Variants in FYN observed in about 807,000 individuals in gnomAD.
FYN encodes FYN proto-oncogene, Src family tyrosine kinase.
FYN carries 10 observed loss-of-function variants against 70.2 expected under a neutral mutation model. That is an observed-to-expected ratio of 0.14 (90% CI 0.09 to 0.24). FYN has a LOEUF of 0.24. FYN is among the 10% of genes least tolerant of loss of function. FYN has a pLI of 1.00. For synonymous variants in FYN, 236 were observed against 248.6 expected (o/e 0.95, Z 0.48); for missense variants, 319 against 673.1 (o/e 0.47, Z 5.82).
intron 12 of FYN, among the ~76,000 whole-genome samples, chr6:111,674,980 G>A (rs564613757): frequency 6.6e-6 from 1 of 152,010 alleles, no homozygotes; most frequent in Non-Finnish European, 1.5e-5. Context: ...ATGAGTCCTC[G>A]GGTATATAAG....
intron 2 of FYN, among the ~76,000 whole-genome samples, chr6:111,821,448 T>G (rs1207378684): frequency 6.6e-6 from 1 of 152,194 alleles, no homozygotes; most frequent in African/African-American, 2.4e-5. Flanking sequence ...GAGCTGAAAC[T>G]GGATCCTTTC....
intron 3 of FYN, among the ~76,000 whole-genome samples, chr6:111,741,595 T>A (rs551944325): frequency 3.7e-5 from 5 of 135,012 alleles, no homozygotes; most frequent in Non-Finnish European, 8.0e-5. Context: ...AAGAACATGG[T>A]CATTCTAAGA....
intron 3 of FYN, among the ~76,000 whole-genome samples, chr6:111,747,159 T>C (rs1314106979): frequency 6.6e-6 from 1 of 151,996 alleles, no homozygotes; most frequent in African/African-American, 2.4e-5. Flanking sequence ...ATTAAGAGAG[T>C]CCAGCAGTGA....
At chr6:111,845,486 T>C (rs568876810) in intron 2 of FYN, among the ~76,000 whole-genome samples, 16 of 152,338 alleles carry the variant, frequency 1.1e-4, no homozygotes, top group African/African-American at 3.8e-4. Flanking sequence ...CTGCAGAAGC[T>C]AGGTGCCTGC....
At chr6:111,724,718 C>T (rs1234190934) in intron 3 of FYN, among the ~76,000 whole-genome samples, 1 of 152,190 alleles carries the variant, frequency 6.6e-6, no homozygotes, top group Non-Finnish European at 1.5e-5. Context: ...TCTTTTGTCT[C>T]AGAAGCCAAC....
At position 111,743,110 on chromosome 6, in the gene FYN, G is replaced by A. The variant is rs1479240336; in HGVS notation, c.-11-23048C>T. On this transcript the variant is annotated intron_variant, in intron 3 of 13. Coordinates refer to ENST00000354650, the MANE Select transcript of FYN (RefSeq NM_002037.5). ...GCCTCCCGAGTAGCTGGAACTGCAG[G>A]TGCGCGCCACCATGCCTGGCTAATT... Among the ~76,000 whole-genome samples the A allele has an allele frequency of 2.0e-5, 3 of 152,024 alleles. No individual in the cohort carries two copies. The South Asian group carries it at 6.2e-4, about 32-fold the overall frequency.
chr6:111,742,123 A>G (rs868650200), intron 3 of FYN, among the ~76,000 whole-genome samples: 5 of 152,222 alleles, frequency 3.3e-5, no homozygotes, highest in African/African-American at 4.8e-5. Flanking sequence ...CCTCTCCTCC[A>G]GGCATTGTGC....
At chr6:111,800,776 TG>T (rs1018889066) in intron 2 of FYN, among the ~76,000 whole-genome samples, 2 of 152,198 alleles carry the variant, frequency 1.3e-5, no homozygotes, top group Non-Finnish European at 2.9e-5. Flanking sequence ...AACCCTCTCC[TG>T]CCCACATCTC....
At chr6:111,779,713 C>G (rs1427258710) in intron 3 of FYN, among the ~76,000 whole-genome samples, 1 of 152,134 alleles carries the variant, frequency 6.6e-6, no homozygotes, top group African/African-American at 2.4e-5. Context: ...CTAGCAACAT[C>G]AAATGGATGT....
intron 6 of FYN, 66 bp from the exon 7 acceptor site, chr6:111,704,168 C>CT (rs869119560): frequency 5.3e-4 from 703 of 1,334,004 alleles, no homozygotes; most frequent in Middle Eastern, 1.9e-3. Flanking sequence ...ACAGCATAGG[C>CT]TTTTTTTTTG....
rs1370545141 is a variant in FYN at position 111,704,079 on chromosome 6, C to T, written c.467G>A (p.Arg156Gln). Reference sequence around the variant, plus strand: ...CAATAGCTGTCGCTCAGCATCTTTTCGGCCAAGTTTTCCAAAGTACCACCT... The same window carrying T: ...CAATAGCTGTCGCTCAGCATCTTTTTGGCCAAGTTTTCCAAAGTACCACCT... ...AEEWYFGKLG[R>Q]KDAERQLLSF... Residue 156 changes from arginine to glutamine, a missense_variant, in exon 7 of 14, where the codon CGA (arginine) becomes CAA (glutamine). Around this residue, in one of 4 missense-constraint regions of FYN, gnomAD observed 112 missense variants for 250.2 expected, o/e 0.45. Transcript: ENST00000354650. 2 of 1,614,050 alleles carry T rather than the reference C, an allele frequency of 1.2e-6. No individual in the cohort carries two copies. Among genetic ancestry groups the T allele is most frequent in the Non-Finnish European group, 1.7e-6 (2 of 1,179,934 alleles).
At chr6:111,794,186 C>A (rs1192381836) in intron 2 of FYN, among the ~76,000 whole-genome samples, 2 of 152,192 alleles carry the variant, frequency 1.3e-5, no homozygotes, top group African/African-American at 2.4e-5. Context: ...AAAGGAGAGC[C>A]CTCCTTAAAT....
intron 12 of FYN, among the ~76,000 whole-genome samples, chr6:111,688,501 T>C (rs1224374327): frequency 6.6e-6 from 1 of 152,176 alleles, no homozygotes; most frequent in Non-Finnish European, 1.5e-5. Context: ...ATTTATTAAA[T>C]ACTACTATGT....
At chr6:111,818,135 C>G (rs188351914) in intron 2 of FYN, among the ~76,000 whole-genome samples, 12 of 152,302 alleles carry the variant, frequency 7.9e-5, no homozygotes, top group African/African-American at 2.6e-4. Context: ...GGGTTCACCA[C>G]GCTAAGAATA....
chr6:111,843,217 G>C (rs568740775), intron 2 of FYN, among the ~76,000 whole-genome samples: 1 of 152,174 alleles, frequency 6.6e-6, no homozygotes. Flanking sequence ...CAGGATGCAC[G>C]GAAACCAAAC....
At chr6:111,786,108 G>T (rs939286350) in intron 2 of FYN, among the ~76,000 whole-genome samples, 14 of 151,580 alleles carry the variant, frequency 9.2e-5, no homozygotes, top group African/African-American at 3.2e-4. Flanking sequence ...TGTGCACAAC[G>T]TGCAGGTTTG....
chr6:111,731,387 G>A (rs545589496), intron 3 of FYN, among the ~76,000 whole-genome samples: 1 of 152,236 alleles, frequency 6.6e-6, no homozygotes, highest in African/African-American at 2.4e-5. Context: ...TCCCATTTTC[G>A]CTGATCATTT....
intron 2 of FYN, among the ~76,000 whole-genome samples, chr6:111,806,376 C>T (rs1293613944): frequency 2.0e-5 from 3 of 152,184 alleles, no homozygotes; most frequent in Non-Finnish European, 4.4e-5. Context: ...GCACCCCTGA[C>T]TGGGTCAGGA....
At chr6:111,681,372 G>C (rs940466523) in intron 12 of FYN, among the ~76,000 whole-genome samples, 1 of 152,128 alleles carries the variant, frequency 6.6e-6, no homozygotes, top group Non-Finnish European at 1.5e-5. Context: ...TGTTGCCCAG[G>C]CTAGTCTCGA....
Sources: gnomAD v4.1 joint callset for allele counts (sites outside exome capture counted in the v4.1 genomes callset) on GRCh38, gnomAD v4.1.1 for gene constraint, gnomAD v4.1.1 regional missense constraint, MANE v1.5 for transcripts, NCBI Gene and HGNC (gene_info 2026-07-23, HGNC 2026-07-21) for gene names.